Variants in PTPRT observed in about 807,000 individuals in gnomAD.
PTPRT encodes protein tyrosine phosphatase receptor type T, also known as receptor-type tyrosine-protein phosphatase T.
A neutral mutation model predicts 176.8 loss-of-function variants in PTPRT; 56 were observed. That is an observed-to-expected ratio of 0.32 (90% CI 0.26 to 0.40). The LOEUF is 0.40. Ranked by LOEUF, PTPRT falls within the 10% of genes least tolerant of loss-of-function variation. The probability of loss-of-function intolerance (pLI) is 1.00; values close to 1 mark genes in which losing one functional copy is unlikely to be tolerated. For synonymous variants in PTPRT, 783 were observed against 739.0 expected (o/e 1.06, Z -0.96); for missense variants, 1,540 against 1,908.2 (o/e 0.81, Z 3.60).
At chr20:42,956,312 C>A (rs752835732) in intron 1 of PTPRT, among the ~76,000 whole-genome samples, 2 of 152,134 alleles carry the variant, frequency 1.3e-5, no homozygotes, top group African/African-American at 2.4e-5. Flanking sequence ...AATGGTTCAG[C>A]ACCTCCTTTT....
At chr20:42,928,725 T>C (rs1017334428) in intron 1 of PTPRT, among the ~76,000 whole-genome samples, 1 of 152,148 alleles carries the variant, frequency 6.6e-6, no homozygotes, top group African/African-American at 2.4e-5. Flanking sequence ...GTTCCAGGTA[T>C]TGGAGCCTCC....
intron 16 of PTPRT, among the ~76,000 whole-genome samples, chr20:42,195,866 C>A (rs1282537748): frequency 6.6e-6 from 1 of 152,076 alleles, no homozygotes; most frequent in Non-Finnish European, 1.5e-5. Context: ...TTGTCCCTGG[C>A]CTTTAAAACA....
At chr20:42,100,465 G>A (rs1985825283) in intron 26 of PTPRT, among the ~76,000 whole-genome samples, 1 of 152,316 alleles carries the variant, frequency 6.6e-6, no homozygotes, top group African/African-American at 2.4e-5. Context: ...TATCAGAAAG[G>A]CAAAGGCCCC....
At chr20:42,392,106 T>C (rs1458208651) in intron 9 of PTPRT, among the ~76,000 whole-genome samples, 1 of 152,230 alleles carries the variant, frequency 6.6e-6, no homozygotes. Flanking sequence ...TACCTCACAG[T>C]TAATTTGTCT....
intron 1 of PTPRT, among the ~76,000 whole-genome samples, chr20:43,086,551 C>G (rs971894554): frequency 6.6e-6 from 1 of 152,196 alleles, no homozygotes. Context: ...ATAATTTGCA[C>G]TCAGTAATAG....
intron 12 of PTPRT, among the ~76,000 whole-genome samples, chr20:42,292,440 C>T (rs765896576): frequency 6.6e-6 from 1 of 151,950 alleles, no homozygotes; most frequent in Admixed American, 6.6e-5. Flanking sequence ...TCCAGTGATT[C>T]TCTTGTCTCA....
At chr20:42,346,290 C>A (rs2058193862) in intron 11 of PTPRT, among the ~76,000 whole-genome samples, 1 of 152,200 alleles carries the variant, frequency 6.6e-6, no homozygotes. Flanking sequence ...CCCAGCCTCA[C>A]TTCAGGGACT....
Position 42,223,332 on chromosome 20 carries a change from TG to T in PTPRT, c.2342+12896del, listed in dbSNP as rs1441623049. On this transcript the variant is annotated intron_variant, in intron 15 of 30. Transcript: ENST00000373187. ...AGCAACAGCCCACATTTGGTGTTAT[TG>T]TCCCCAATTTACAGATGAGAGAACA... is the stretch of plus-strand genomic sequence containing the variant. Among the ~76,000 whole-genome samples, 2 of 152,230 alleles carry T rather than the reference TG, an allele frequency of 1.3e-5. 1 individual carries two copies. The highest frequency in any genetic ancestry group is 2.9e-5 in the Non-Finnish European group (2 of 68,042).
chr20:42,647,801 C>T (rs889975937), intron 7 of PTPRT, among the ~76,000 whole-genome samples: 1 of 152,206 alleles, frequency 6.6e-6, no homozygotes, highest in Non-Finnish European at 1.5e-5. Context: ...TAGCCTGTTC[C>T]TCTCAGATTT....
chr20:43,024,153 C>A (rs960891808), intron 1 of PTPRT, among the ~76,000 whole-genome samples: 4 of 152,158 alleles, frequency 2.6e-5, no homozygotes, highest in African/African-American at 9.7e-5. Flanking sequence ...AGAATATGGG[C>A]AAGCTACTCA....
intron 2 of PTPRT, among the ~76,000 whole-genome samples, chr20:42,816,070 G>A (rs1368600235): frequency 1.3e-5 from 2 of 152,004 alleles, no homozygotes; most frequent in Admixed American, 6.6e-5. Context: ...CTTCTTTCTT[G>A]GGCTGAAGCC....
chr20:42,209,690 A>G (rs1015219837), intron 15 of PTPRT, among the ~76,000 whole-genome samples: 8 of 152,204 alleles, frequency 5.3e-5, no homozygotes, highest in South Asian at 2.1e-4. Flanking sequence ...AGGACCAGAT[A>G]GATTCACAGC....
chr20:42,268,350 C>T (rs1320423364), intron 13 of PTPRT, among the ~76,000 whole-genome samples: 1 of 152,194 alleles, frequency 6.6e-6, no homozygotes, highest in Non-Finnish European at 1.5e-5. Context: ...TGATATGGGA[C>T]TGGCTCTGTT....
chr20:42,184,540 CCTCTTCTTCTTCTTCTTCTTA>C lies in PTPRT; in HGVS notation c.2491+14679_2491+14699del, dbSNP rs1251237366. Among the ~76,000 whole-genome samples, 81 of 113,224 alleles carry C rather than the reference CCTCTTCTTCTTCTTCTTCTTA, an allele frequency of 7.2e-4. 3 individuals are homozygous for C. Among genetic ancestry groups the C allele is most frequent in the East Asian group, 1.4e-3 (5 of 3,630 alleles). 74.3% of individuals were successfully genotyped at this position (113,224 alleles called of 152,430 possible). A position where few individuals can be genotyped will look rare whatever the true frequency, so the allele number is the denominator to read the frequency against. Reference sequence around the variant, plus strand: ...CCTCCTTCTTCTTCTTCTTCCTCTTCCTCTTCTTCTTCTTCTTCTTATTCTTCTTCTTCTTCTTCTTCTTCT... The same window carrying C: ...CCTCCTTCTTCTTCTTCTTCCTCTTCTTCTTCTTCTTCTTCTTCTTCTTCT... On this transcript the variant is annotated intron_variant, in intron 16 of 30. Coordinates refer to ENST00000373187, the MANE Select transcript of PTPRT (RefSeq NM_007050.6).
intron 9 of PTPRT, among the ~76,000 whole-genome samples, chr20:42,426,672 G>C (rs981727859): frequency 1.3e-5 from 2 of 152,068 alleles, no homozygotes; most frequent in Non-Finnish European, 1.5e-5. Flanking sequence ...GCTGCTGTGG[G>C]GCCAGAGCCC....
At chr20:42,462,358 G>A (rs1183993117) in intron 8 of PTPRT, among the ~76,000 whole-genome samples, 6 of 152,178 alleles carry the variant, frequency 3.9e-5, no homozygotes, top group Non-Finnish European at 8.8e-5. Context: ...AGAGTGGTTA[G>A]CGCAGTGGTG....
chr20:42,992,756 C>T (rs1315688766), intron 1 of PTPRT, among the ~76,000 whole-genome samples: 1 of 152,182 alleles, frequency 6.6e-6, no homozygotes, highest in Non-Finnish European at 1.5e-5. Context: ...CTCAGCTGGG[C>T]AGTTCTGGCT....
intron 1 of PTPRT, among the ~76,000 whole-genome samples, chr20:42,896,550 G>T (rs1196569754): frequency 2.7e-5 from 4 of 150,492 alleles, no homozygotes; most frequent in Non-Finnish European, 5.9e-5. Context: ...CAGGAGAATC[G>T]CTTGAACCTG....
chr20:42,835,387 TGTAA>T (rs1261692659), intron 2 of PTPRT, among the ~76,000 whole-genome samples: 1 of 152,210 alleles, frequency 6.6e-6, no homozygotes, highest in Non-Finnish European at 1.5e-5. Context: ...TGGGAAGGTT[TGTAA>T]GTGAGGACGT....
Sources: gnomAD v4.1 joint callset for allele counts (sites outside exome capture counted in the v4.1 genomes callset) on GRCh38, gnomAD v4.1.1 for gene constraint, MANE v1.5 for transcripts, NCBI Gene and HGNC (gene_info 2026-07-23, HGNC 2026-07-21) for gene names.